Variants in RP1 observed in about 807,000 individuals in gnomAD.
RP1 encodes RP1 axonemal microtubule associated.
RP1 carries 16 observed loss-of-function variants against 14.8 expected under a neutral mutation model. The observed-to-expected ratio is 1.08, with a 90% CI of 0.73 to 1.65. RP1 has a LOEUF of 1.65. Ranked by LOEUF, RP1 falls within the 40% of genes most tolerant of loss-of-function variation. The probability of loss-of-function intolerance (pLI) is 0.00; values close to 1 mark genes in which losing one functional copy is unlikely to be tolerated. For synonymous variants in RP1, 876 were observed against 883.6 expected, an observed-to-expected ratio of 0.99 and a Z score of 0.15; for missense variants, 2,631 against 2,535.0, an observed-to-expected ratio of 1.04 and a Z score of -0.81.
chr8:54,686,700 TGA>T (rs1807571035), intron 12 of RP1, among the ~76,000 whole-genome samples: 1 of 152,192 alleles, frequency 6.6e-6, no homozygotes, highest in South Asian at 2.1e-4. Context: ...GACCAGACAA[TGA>T]AAGCTATTCA....
intron 12 of RP1, among the ~76,000 whole-genome samples, chr8:54,693,585 G>T (rs1230980368): frequency 6.6e-6 from 1 of 152,100 alleles, no homozygotes. Context: ...AAGCAATTGT[G>T]AATGGGAGTT....
chr8:54,622,143 G>C lies in RP1; in HGVS notation c.642G>C (p.Leu214=), dbSNP rs1392984479. The change falls in exon 3 of 4, where the codon CTG becomes CTC. Residue 214 remains leucine (L), a synonymous_variant. Coordinates refer to ENST00000220676, the MANE Select transcript of RP1 (RefSeq NM_006269.2). ...RRVPSLQAVI[L]SSGAVVAAGR... ...TTCCCAGCCTCCAGGCAGTGATCCTGAGCTCTGGAGCTGTGGTGGCGGCAG... is the reference window on the plus strand; with the variant it reads ...TTCCCAGCCTCCAGGCAGTGATCCTCAGCTCTGGAGCTGTGGTGGCGGCAG... 1.9e-6 allele frequency: 3 copies of C among 1,614,174 alleles called. No homozygotes were observed. The highest frequency in any genetic ancestry group is 3.3e-5 in the Admixed American group (2 of 60,026).
At chr8:54,697,681 A>G (rs1807903748) in intron 12 of RP1, among the ~76,000 whole-genome samples, 1 of 152,220 alleles carries the variant, frequency 6.6e-6, no homozygotes, top group African/African-American at 2.4e-5. Context: ...TGGTACTGGT[A>G]CCCAAACAGA....
chr8:54,738,413 T>A (rs1808990891), intron 18 of RP1, among the ~76,000 whole-genome samples: 3 of 152,138 alleles, frequency 2.0e-5, no homozygotes, highest in Non-Finnish European at 4.4e-5. Context: ...CCATATTCTG[T>A]GGGCAGGTTT....
At chr8:54,662,470 C>T (rs1269646597) in intron 6 of RP1, among the ~76,000 whole-genome samples, 3 of 152,184 alleles carry the variant, frequency 2.0e-5, no homozygotes, top group Non-Finnish European at 4.4e-5. Flanking sequence ...AAGCCCAGTT[C>T]CACCAAACAG....
intron 3 of RP1, among the ~76,000 whole-genome samples, chr8:54,646,035 T>C (rs1806542831): frequency 6.6e-6 from 1 of 152,086 alleles, no homozygotes; most frequent in Non-Finnish European, 1.5e-5. Context: ...AACTCACTCT[T>C]TTTCAAATCG....
At chr8:54,764,272 C>G (rs1809711776) in intron 22 of RP1, among the ~76,000 whole-genome samples, 1 of 152,252 alleles carries the variant, frequency 6.6e-6, no homozygotes. Context: ...AGGCCTACAG[C>G]TCAGCCAGGG....
At chr8:54,724,817 ATTGGTGTAC>A (rs1808616500) in intron 16 of RP1, among the ~76,000 whole-genome samples, 1 of 152,146 alleles carries the variant, frequency 6.6e-6, no homozygotes, top group Non-Finnish European at 1.5e-5. Context: ...ATAAAGAGAT[ATTGGTGTAC>A]TTTTTGAGAA....
chr8:54,788,783 G>A (rs1180823235), intron 24 of RP1, among the ~76,000 whole-genome samples: 4 of 152,188 alleles, frequency 2.6e-5, no homozygotes. Flanking sequence ...ATATCAGCAA[G>A]ATAATAGAAT....
At chr8:54,750,501 A>G (rs547288854) in intron 19 of RP1, among the ~76,000 whole-genome samples, 1 of 152,334 alleles carries the variant, frequency 6.6e-6, no homozygotes, top group East Asian at 1.9e-4. Flanking sequence ...TATCACTGAG[A>G]GGAGAAGCCA....
intron 1 of RP1, among the ~76,000 whole-genome samples, chr8:54,607,335 C>T (rs113966023): frequency 0.022 from 3,308 of 152,244 alleles, 115 homozygotes; most frequent in African/African-American, 0.071. Context: ...CCTGGGTATC[C>T]GCAGCAGAGG....
At chr8:54,602,887 T>C (rs1236742370) in intron 1 of RP1, among the ~76,000 whole-genome samples, 2 of 152,214 alleles carry the variant, frequency 1.3e-5, no homozygotes, top group East Asian at 1.9e-4. Context: ...TGGGGTTGTT[T>C]GTTTTTTTCT....
At chr8:54,724,069 G>T (rs1808595391) in intron 16 of RP1, among the ~76,000 whole-genome samples, 1 of 152,094 alleles carries the variant, frequency 6.6e-6, no homozygotes, top group Admixed American at 6.5e-5. Context: ...ATGGAAGTTT[G>T]CATTAAAATA....
intron 1 of RP1, among the ~76,000 whole-genome samples, chr8:54,609,718 T>C (rs1441282465): frequency 6.6e-6 from 1 of 152,146 alleles, no homozygotes; most frequent in Admixed American, 6.5e-5. Context: ...GTCGCTGAGA[T>C]GGAGAAGCAG....
At chr8:54,732,650 A>T (rs1305844351) in intron 17 of RP1, among the ~76,000 whole-genome samples, 1 of 152,210 alleles carries the variant, frequency 6.6e-6, no homozygotes, top group Non-Finnish European at 1.5e-5. Context: ...TCTGGAACTC[A>T]TGGATGTGCT....
rs559994358 is a variant in RP1 at position 54,784,250 on chromosome 8, T to C, written c.3615+540T>C. Among the ~76,000 whole-genome samples the C allele has an allele frequency of 5.3e-5, 8 of 152,308 alleles. No homozygotes were observed. In the South Asian group the frequency reaches 1.7e-3, roughly 32 times the overall value. ...GTGCCTCACTTTCCTCAATAATCTT[T>C]ACTTCGTAGGGTTAGAATGAGGATT... On this transcript the variant is annotated intron_variant, in intron 24 of 28. Transcript: ENST00000637698.
Position 54,621,351 on chromosome 8 carries a change from A to G in RP1, c.385A>G (p.Ser129Gly), listed in dbSNP as rs765399564. 2 of 1,611,670 alleles carry G rather than the reference A, an allele frequency of 1.2e-6. No individual in the cohort carries two copies. The highest frequency in any genetic ancestry group is 2.2e-5 in the East Asian group (1 of 44,818). ...KARRRPRPWL[S>G]SRAISAHSPP... is the part of the protein sequence containing the mutation. ...CCGTCGGCGCCCGCGGCCCTGGCTC[A>G]GCAGCCGGGCCATTAGCGCGCACTC... The change falls in exon 2 of 4, where the codon AGC (serine) becomes GGC (glycine). Residue 129 changes from serine (S) to glycine (G), a missense_variant. By Grantham distance (56) the Ser-to-Gly change is moderately conservative. Transcript: ENST00000220676.
chr8:54,789,558 A>G (rs1810410415), intron 24 of RP1, among the ~76,000 whole-genome samples: 4 of 152,162 alleles, frequency 2.6e-5, no homozygotes. Flanking sequence ...GAGCTAGGCT[A>G]GCAATCCAGC....
chr8:54,720,213 G>C (rs933594883), exon 16 of RP1: 1 of 1,535,878 alleles, frequency 6.5e-7, no homozygotes. Context: ...GAAGAGCCCA[G>C]GATTGTTTGT....
Sources: allele counts gnomAD v4.1 joint callset (sites outside exome capture counted in the v4.1 genomes callset), GRCh38; gene constraint gnomAD v4.1.1; transcripts MANE v1.5; gene names NCBI Gene and HGNC (gene_info 2026-07-23, HGNC 2026-07-21).